SLC35F4: variants seen among roughly 807,000 people sequenced by gnomAD.
SLC35F4 encodes the protein solute carrier family 35 member F4.
Under a neutral mutation model 44.2 loss-of-function variants are expected in SLC35F4, and 24 were observed. That is an observed-to-expected ratio of 0.54 (90% confidence interval 0.39 to 0.76). The LOEUF is 0.76. Ranked by LOEUF, SLC35F4 falls within the 30% of genes least tolerant of loss-of-function variation. SLC35F4 has a pLI of 0.00. For synonymous variants in SLC35F4, 238 were observed against 223.6 expected (o/e 1.06, Z -0.57); for missense variants, 562 against 586.1 (o/e 0.96, Z 0.42).
At chr14:57,931,244 G>A (rs983270167) in intron 1 of SLC35F4, among the ~76,000 whole-genome samples, 7 of 152,168 alleles carry the variant, frequency 4.6e-5, no homozygotes, top group Non-Finnish European at 1.0e-4. Flanking sequence ...ATGGCCACTT[G>A]ACACCTGTAT....
chr14:57,808,919 T>C (rs1449989904), intron 1 of SLC35F4, among the ~76,000 whole-genome samples: 1 of 121,572 alleles, frequency 8.2e-6, no homozygotes, highest in Non-Finnish European at 1.6e-5. Flanking sequence ...AAAAGGATTT[T>C]AATCCATTGT....
At chr14:57,669,948 T>C (rs1383633643) in intron 1 of SLC35F4, among the ~76,000 whole-genome samples, 7 of 152,104 alleles carry the variant, frequency 4.6e-5, no homozygotes, top group Non-Finnish European at 1.0e-4. Context: ...CGGCTATGAA[T>C]CCATCTGGTC....
chr14:57,944,853 A>G (rs924648048), intron 1 of SLC35F4, among the ~76,000 whole-genome samples: 1 of 152,210 alleles, frequency 6.6e-6, no homozygotes, highest in African/African-American at 2.4e-5. Flanking sequence ...AAGTTCTCCC[A>G]CATAAATGCC....
intron 1 of SLC35F4, among the ~76,000 whole-genome samples, chr14:57,843,497 G>C (rs1002124807): frequency 1.3e-5 from 2 of 152,064 alleles, no homozygotes; most frequent in Non-Finnish European, 2.9e-5. Flanking sequence ...GCACCCAAAG[G>C]ACAGGGCCAG....
chr14:57,727,776 T>C (rs968132527), intron 1 of SLC35F4, among the ~76,000 whole-genome samples: 2 of 152,216 alleles, frequency 1.3e-5, no homozygotes, highest in Non-Finnish European at 2.9e-5. Flanking sequence ...TTTCTGAATG[T>C]TTTAAGACTT....
chr14:57,570,055 C>T (rs1480838226), intron 5 of SLC35F4, 75 bp from the exon 6 acceptor site: 1 of 1,363,832 alleles, frequency 7.3e-7, no homozygotes, highest in Non-Finnish European at 9.7e-7. Context: ...CTGTTCCATA[C>T]TGTGAGCTAA....
intron 1 of SLC35F4, among the ~76,000 whole-genome samples, chr14:57,685,654 C>A (rs190122856): frequency 6.6e-6 from 1 of 152,194 alleles, no homozygotes; most frequent in South Asian, 2.1e-4. Flanking sequence ...CTTAATTGTT[C>A]AAGGGTAATT....
At chr14:57,784,125 T>C (rs1274609381) in intron 1 of SLC35F4, among the ~76,000 whole-genome samples, 2 of 152,136 alleles carry the variant, frequency 1.3e-5, no homozygotes, top group African/African-American at 4.8e-5. Context: ...GATGTGTGTA[T>C]TGGAGAAACT....
intron 3 of SLC35F4, among the ~76,000 whole-genome samples, chr14:57,582,368 G>A (rs536489575): frequency 1.3e-5 from 2 of 152,040 alleles, no homozygotes; most frequent in Non-Finnish European, 2.9e-5. Context: ...GCTAGTTTTT[G>A]AAATTTTTTT....
chr14:57,966,484 AACAG>A (rs765093527), intron 1 of SLC35F4, among the ~76,000 whole-genome samples: 40,263 of 151,922 alleles, frequency 0.27, 5,771 homozygotes, highest in African/African-American at 0.4. Context: ...TCACAAAAGA[AACAG>A]TGTTGATTTA....
chr14:57,596,801 C>G, intron 1 of SLC35F4: 2 of 1,367,684 alleles, frequency 1.5e-6, no homozygotes, highest in Non-Finnish European at 2.0e-6. Flanking sequence ...TTCCATACCT[C>G]CTGTTCCTTA....
At chr14:57,860,013 G>A (rs963878316) in intron 1 of SLC35F4, among the ~76,000 whole-genome samples, 2 of 152,146 alleles carry the variant, frequency 1.3e-5, no homozygotes, top group African/African-American at 2.4e-5. Context: ...GAAAAAGTGG[G>A]CCTAGAATTA....
chr14:57,755,888 T>C (rs1220658365), intron 1 of SLC35F4, among the ~76,000 whole-genome samples: 1 of 152,216 alleles, frequency 6.6e-6, no homozygotes, highest in Non-Finnish European at 1.5e-5. Flanking sequence ...ACTGCCAGCC[T>C]CGGAGGCCAG....
intron 1 of SLC35F4, among the ~76,000 whole-genome samples, chr14:57,695,280 C>T (rs9707520): frequency 4.0e-5 from 6 of 151,564 alleles, no homozygotes; most frequent in African/African-American, 7.3e-5. Context: ...ATCTGACAAA[C>T]GGCTAATATC....
intron 1 of SLC35F4, among the ~76,000 whole-genome samples, chr14:57,655,312 C>A (rs2073929265): frequency 6.6e-6 from 1 of 152,116 alleles, no homozygotes. Flanking sequence ...GTGGGAGGCA[C>A]TGCGCTGAGT....
Position 57,842,781 on chromosome 14 carries a change from T to C in SLC35F4, c.103+22942A>G, listed in dbSNP as rs191520672. On this transcript the variant is annotated intron_variant, in intron 1 of 7. Transcript: ENST00000556826. The stretch of plus-strand genomic sequence containing the variant: ...TTTAAATGGATTGAAGGATGCAAAG[T>C]ATTGTTCCTGGGTGTGTCTGTGAGG... Among the ~76,000 whole-genome samples, 15 of 152,284 alleles carry C rather than the reference T, an allele frequency of 9.9e-5. No individual in the cohort carries two copies. The East Asian group carries it at 2.5e-3, about 26-fold the overall frequency.
At chr14:57,828,216 T>C (rs1391626174) in intron 1 of SLC35F4, among the ~76,000 whole-genome samples, 1 of 152,104 alleles carries the variant, frequency 6.6e-6, no homozygotes, top group Non-Finnish European at 1.5e-5. Context: ...ACCACACCCA[T>C]GCCCCAGATC....
chr14:57,736,766 C>T (rs1339153965), intron 1 of SLC35F4, among the ~76,000 whole-genome samples: 1 of 152,160 alleles, frequency 6.6e-6, no homozygotes, highest in Non-Finnish European at 1.5e-5. Flanking sequence ...TTAGATGTCT[C>T]CGATAATGAT....
At chr14:57,896,963 A>C (rs969792297) in intron 1 of SLC35F4, among the ~76,000 whole-genome samples, 2 of 152,110 alleles carry the variant, frequency 1.3e-5, no homozygotes, top group African/African-American at 4.8e-5. Context: ...GCCCTGTTAA[A>C]CCCTGCTCTT....
Sources: allele counts gnomAD v4.1 joint callset (sites outside exome capture counted in the v4.1 genomes callset), GRCh38; gene constraint gnomAD v4.1.1; transcripts MANE v1.5; gene names NCBI Gene and HGNC (gene_info 2026-07-23, HGNC 2026-07-21).